The following TXNRD2 variants were observed in gnomAD, a reference collection of about 807,000 sequenced individuals.
TXNRD2 encodes the protein thioredoxin reductase 2, also known as thioredoxin reductase 2, mitochondrial.
TXNRD2 carries 67 observed loss-of-function variants against 70.8 expected under a neutral mutation model. That is an observed-to-expected ratio of 0.95 (90% CI 0.78 to 1.16). TXNRD2 has a LOEUF of 1.16. Ranked by LOEUF, TXNRD2 falls within the 50% of genes most tolerant of loss-of-function variation. The pLI, the probability that TXNRD2 is intolerant of heterozygous loss-of-function variation, is 0.00. For missense variants in TXNRD2, 644 were observed against 719.9 expected, an observed-to-expected ratio of 0.89 and a Z score of 1.21; for synonymous variants, 301 against 295.8, an observed-to-expected ratio of 1.02 and a Z score of -0.18.
At position 19,883,440 on chromosome 22, in the gene TXNRD2, C is replaced by A. The variant is rs1938878611; in HGVS notation, c.971G>T (p.Ser324Ile). The A allele has an allele frequency of 6.2e-7, 1 of 1,614,066 alleles. No homozygotes were observed. Among genetic ancestry groups the A allele is most frequent in the Non-Finnish European group, 8.5e-7 (1 of 1,180,042 alleles). The change falls in exon 12 of 18, where the codon AGT becomes ATT. Residue 324 changes from serine (S) to isoleucine (I), a missense_variant. Ser to Ile is a moderately radical substitution (Grantham distance 142). Coordinates refer to ENST00000400521, the MANE Select transcript of TXNRD2 (RefSeq NM_006440.5). ...WAIGRVPDTR[S>I]LNLEKAGVDT... ...TACCCCAGCCTTCTCCAAATTCAGA[C>A]TTCTGGTGTCTGGGACTCGACCTGA... is the stretch of plus-strand genomic sequence containing the variant.
Position 19,878,418 on chromosome 22 carries a change from T to G in TXNRD2, c.1295A>C (p.Lys432Thr). The change falls in exon 15 of 18, where the codon AAA becomes ACA. Residue 432 changes from lysine (K) to threonine (T), a missense_variant. By Grantham distance (78) the Lys-to-Thr change is moderately conservative. Around this residue, in one of 3 missense-constraint regions of TXNRD2, gnomAD observed 566 missense variants for 645.0 expected, o/e 0.88. Transcript: ENST00000400521. ...TCCAGCCACCGTGAACTCCAGTGGTTTATAATGGGCGTGATAGACCTGAGG... is the reference window on the plus strand; with the variant it reads ...TCCAGCCACCGTGAACTCCAGTGGTGTATAATGGGCGTGATAGACCTGAGG... ...EHVEVYHAHY[K>T]PLEFTVAGRD... 2 of 1,613,524 alleles carry G rather than the reference T, an allele frequency of 1.2e-6. No individual in the cohort carries two copies. The highest frequency in any genetic ancestry group is 1.7e-6 in the Non-Finnish European group (2 of 1,179,970).
Position 19,932,297 on chromosome 22 carries a change from T to G in TXNRD2, c.104-1199A>C, listed in dbSNP as rs535635328. ...AAGCCACCCTGGGCACAGGGAGAGC[T>G]GCCTGGGCTCAGGTTTCATCCCTGG... On this transcript the variant is annotated intron_variant, in intron 1 of 17. Transcript: ENST00000400521. 2.9e-5 allele frequency: 46 copies of G among 1,611,684 alleles called. No homozygotes were observed. In the African/African-American group the frequency reaches 5.5e-4, roughly 19 times the overall value.
Position 19,941,694 on chromosome 22 carries a change from A to T in TXNRD2, c.103+7T>A. ...CCTACCGCGGGGACGCCCCGACCCC[A>T]TCCTACCTGCTGCGCCCCGCGCCGC... On this transcript the variant is annotated splice_region_variant and intron_variant, in intron 1 of 17. Coordinates refer to ENST00000400521, the MANE Select transcript of TXNRD2 (RefSeq NM_006440.5). 6.7e-7 allele frequency: 1 copy of T among 1,481,784 alleles called. No homozygotes were observed. The highest frequency in any genetic ancestry group is 8.9e-7 in the Non-Finnish European group (1 of 1,123,524). The allele number at this position is 1,481,784 out of a possible 1,614,324, so 91.8% of individuals were successfully genotyped here. A position where few individuals can be genotyped will look rare whatever the true frequency, so the allele number is the denominator to read the frequency against.
chr22:19,936,407 T>C (rs1255570600), intron 1 of TXNRD2, among the ~76,000 whole-genome samples: 1 of 152,158 alleles, frequency 6.6e-6, no homozygotes. Flanking sequence ...CTTATTTCTT[T>C]TCACGAAGAG....
chr22:19,903,287 G>A (rs930806055), intron 8 of TXNRD2, among the ~76,000 whole-genome samples: 4 of 152,254 alleles, frequency 2.6e-5, no homozygotes, highest in Non-Finnish European at 4.4e-5. Context: ...CAGTACCTCC[G>A]TTATCGGACC....
At chr22:19,909,604 C>T (rs1940243597) in intron 8 of TXNRD2, among the ~76,000 whole-genome samples, 1 of 116,760 alleles carries the variant, frequency 8.6e-6, no homozygotes, top group African/African-American at 3.4e-5. Flanking sequence ...ACACCACTCA[C>T]ACACACACAC....
intron 8 of TXNRD2, among the ~76,000 whole-genome samples, chr22:19,903,833 C>A (rs747120362): frequency 4.6e-5 from 7 of 152,226 alleles, no homozygotes; most frequent in Non-Finnish European, 1.0e-4. Context: ...AGGCTGCATG[C>A]CCCCTCTGAG....
intron 2 of TXNRD2, among the ~76,000 whole-genome samples, chr22:19,924,204 G>A (rs1295317986): frequency 2.0e-5 from 3 of 151,936 alleles, no homozygotes; most frequent in Non-Finnish European, 1.5e-5. Context: ...CAGACCCTCC[G>A]AAGGGGAGGA....
intron 1 of TXNRD2, among the ~76,000 whole-genome samples, chr22:19,933,167 G>A (rs933170372): frequency 8.5e-5 from 13 of 152,206 alleles, no homozygotes; most frequent in African/African-American, 1.9e-4. Flanking sequence ...AGATGTGTGC[G>A]CACCTGCGGG....
At chr22:19,897,037 G>A (rs775380417) in intron 10 of TXNRD2, among the ~76,000 whole-genome samples, 13 of 152,178 alleles carry the variant, frequency 8.5e-5, no homozygotes, top group Admixed American at 2.6e-4. Flanking sequence ...TTCCTCCTCC[G>A]TCCACTGCCA....
chr22:19,920,204 C>A (rs1940844885), intron 2 of TXNRD2, among the ~76,000 whole-genome samples: 1 of 152,242 alleles, frequency 6.6e-6, no homozygotes. Flanking sequence ...AACCACACTT[C>A]CCGCTGCAGA....
In TXNRD2 at chr22:19,915,211, C is replaced by G; in HGVS notation, c.591+3G>C. ...AGGGACGCTATGCTCTGGGGACACT[C>G]ACGTGCGTGGGGTATCTCGGCCGCC... is the stretch of plus-strand genomic sequence containing the variant. On this transcript the variant is annotated splice_donor_region_variant and intron_variant, in intron 7 of 17. Transcript: ENST00000400521. 1.2e-6 allele frequency: 2 copies of G among 1,613,642 alleles called. No homozygotes were observed. The highest frequency in any genetic ancestry group is 1.1e-5 in the South Asian group (1 of 90,922).
Position 19,930,906 on chromosome 22 carries a change from C to T in TXNRD2, c.172+124G>A, listed in dbSNP as rs183634172. On this transcript the variant is annotated intron_variant, in intron 2 of 17. Transcript: ENST00000400521. ...CAGGGAACAAGCCACAACACAGAGG[C>T]CACTGGGGTGACCCCAGCAGGGAGG... 425 of 844,218 alleles carry T rather than the reference C, an allele frequency of 5.0e-4. No homozygotes were observed. The African/African-American group carries it at 6.2e-3, about 12-fold the overall frequency. The allele number at this position is 844,218 out of a possible 1,614,324, so 52.3% of individuals were successfully genotyped here.
intron 1 of TXNRD2, chr22:19,941,457 G>A (rs965136241): frequency 1.0e-4 from 54 of 528,072 alleles, no homozygotes; most frequent in Non-Finnish European, 1.5e-4. Context: ...GACCACAGGT[G>A]CAGTCAGCAC....
intron 14 of TXNRD2, among the ~76,000 whole-genome samples, chr22:19,879,540 T>G (rs2145930030): frequency 5.5e-5 from 3 of 54,252 alleles, no homozygotes; most frequent in South Asian, 1.3e-3. Context: ...GGTATCAGGA[T>G]GTGGTGGGGG....
chr22:19,927,092 G>A (rs563247388), intron 2 of TXNRD2, among the ~76,000 whole-genome samples: 2 of 151,444 alleles, frequency 1.3e-5, no homozygotes, highest in African/African-American at 4.8e-5. Context: ...TCAGGAGTTC[G>A]AGACCAGCCT....
At chr22:19,891,619 T>G (rs777536084) in intron 11 of TXNRD2, 7 of 152,302 alleles carry the variant, frequency 4.6e-5, no homozygotes, top group African/African-American at 7.2e-5. Flanking sequence ...AGCCAGGGAT[T>G]CAGGCCACAA....
At chr22:19,899,304 T>C (rs1939665132) in intron 8 of TXNRD2, among the ~76,000 whole-genome samples, 1 of 152,130 alleles carries the variant, frequency 6.6e-6, no homozygotes, top group South Asian at 2.1e-4. Context: ...CAGTGACAAG[T>C]GGTACCTGTC....
chr22:19,892,634 C>T (rs1227399351), intron 11 of TXNRD2, among the ~76,000 whole-genome samples: 2 of 152,332 alleles, frequency 1.3e-5, no homozygotes, highest in East Asian at 3.9e-4. Flanking sequence ...CTGCTACATC[C>T]CTATGGGCTT....
Sources: allele counts gnomAD v4.1 joint callset (sites outside exome capture counted in the v4.1 genomes callset), GRCh38; gene constraint gnomAD v4.1.1; regional missense constraint gnomAD v4.1.1; transcripts MANE v1.5; gene names NCBI Gene and HGNC (gene_info 2026-07-23, HGNC 2026-07-21).